The following ADGRL3 variants were observed in gnomAD, a reference collection of about 807,000 sequenced individuals.
ADGRL3 encodes the protein calcium-independent alpha-latrotoxin receptor 3.
Under a neutral mutation model 153.5 loss-of-function variants are expected in ADGRL3, and 62 were observed. The ratio of observed to expected loss-of-function variants is 0.40; its 90% CI spans 0.33 to 0.50. The LOEUF (loss-of-function observed/expected upper bound fraction) is 0.50, where lower values mean the gene tolerates loss of function less well. ADGRL3 is among the 20% of genes least tolerant of loss of function. The pLI is 0.47. For synonymous variants in ADGRL3, 710 were observed against 672.5 expected (o/e 1.06, Z -0.86); for missense variants, 1,641 against 1,859.4 (o/e 0.88, Z 2.16).
chr4:61,346,293 C>G (rs55684277), intron 1 of ADGRL3, among the ~76,000 whole-genome samples: 18,196 of 145,746 alleles, frequency 0.12, 1,260 homozygotes, highest in South Asian at 0.2. Context: ...CTCTCTGTCT[C>G]TCTCTGTCAC....
At chr4:61,568,904 A>G (rs925256155) in intron 4 of ADGRL3, among the ~76,000 whole-genome samples, 2 of 152,130 alleles carry the variant, frequency 1.3e-5, no homozygotes, top group Non-Finnish European at 2.9e-5. Context: ...TTTCTAGAAC[A>G]GTGGCTGTCT....
At chr4:61,857,008 CTTTCT>C (rs1561368463) in intron 9 of ADGRL3, among the ~76,000 whole-genome samples, 1 of 140,418 alleles carries the variant, frequency 7.1e-6, no homozygotes, top group African/African-American at 2.6e-5. Context: ...TTCTTTCTTT[CTTTCT>C]TTCCTTCCTC....
intron 3 of ADGRL3, among the ~76,000 whole-genome samples, chr4:61,497,760 G>A (rs1305817696): frequency 1.3e-5 from 2 of 150,646 alleles, no homozygotes; most frequent in Admixed American, 6.6e-5. Flanking sequence ...TCCTGACCTC[G>A]TGACCCGCCC....
intron 13 of ADGRL3, among the ~76,000 whole-genome samples, chr4:61,934,407 A>G (rs2098829840): frequency 6.6e-6 from 1 of 152,186 alleles, no homozygotes; most frequent in Non-Finnish European, 1.5e-5. Flanking sequence ...ATTTATGGTC[A>G]TCCTTTTAAT....
At chr4:62,014,404 T>C (rs538628071) in intron 21 of ADGRL3, among the ~76,000 whole-genome samples, 1 of 152,254 alleles carries the variant, frequency 6.6e-6, no homozygotes, top group African/African-American at 2.4e-5. Context: ...ATATAATTTG[T>C]GGGGAGAAAG....
chr4:61,720,722 G>A (rs187179621), intron 6 of ADGRL3, among the ~76,000 whole-genome samples: 172 of 152,292 alleles, frequency 1.1e-3, no homozygotes, highest in African/African-American at 3.9e-3. Flanking sequence ...CTGTAGCATA[G>A]TTTCTGCCTT....
At chr4:61,445,061 A>AAC (rs1313661593) in intron 2 of ADGRL3, among the ~76,000 whole-genome samples, 11 of 150,958 alleles carry the variant, frequency 7.3e-5, no homozygotes, top group Non-Finnish European at 3.0e-5. Flanking sequence ...AAAAAAGAAA[A>AAC]AAAAATGCTT....
At chr4:62,031,648 A>T (rs924579112) in intron 23 of ADGRL3, 38 bp downstream of exon 23, 1 of 1,435,882 alleles carries the variant, frequency 7.0e-7, no homozygotes, top group Admixed American at 1.8e-5. Context: ...AAAATGGCAT[A>T]CATTTCATGA....
At chr4:61,337,226 T>C (rs1309633275) in intron 1 of ADGRL3, among the ~76,000 whole-genome samples, 1 of 152,162 alleles carries the variant, frequency 6.6e-6, no homozygotes, top group African/African-American at 2.4e-5. Context: ...CCCTGACCCC[T>C]TTGTGGGTAC....
chr4:61,686,289 G>A (rs901359129), intron 6 of ADGRL3, among the ~76,000 whole-genome samples: 3 of 152,034 alleles, frequency 2.0e-5, no homozygotes, highest in Non-Finnish European at 2.9e-5. Context: ...TCATCCCAAA[G>A]TATTTGTTGC....
chr4:61,711,458 TTA>T (rs1167827672), intron 6 of ADGRL3, among the ~76,000 whole-genome samples: 876 of 34,630 alleles, frequency 0.025, 24 homozygotes, highest in African/African-American at 0.039. Context: ...ATATGCTTCA[TTA>T]TATATATATA....
At chr4:61,650,611 T>A (rs961944008) in intron 5 of ADGRL3, among the ~76,000 whole-genome samples, 8 of 152,172 alleles carry the variant, frequency 5.3e-5, no homozygotes, top group Admixed American at 1.3e-4. Flanking sequence ...ATATATTTTC[T>A]GGGTTCTTTT....
At chr4:61,678,785 C>T (rs1053063979) in intron 6 of ADGRL3, among the ~76,000 whole-genome samples, 7 of 151,582 alleles carry the variant, frequency 4.6e-5, no homozygotes, top group African/African-American at 1.2e-4. Flanking sequence ...TTAATTTATA[C>T]GTTGTAGCCT....
chr4:61,468,960 T>C (rs2097914861), intron 2 of ADGRL3, among the ~76,000 whole-genome samples: 1 of 152,154 alleles, frequency 6.6e-6, no homozygotes. Context: ...ACTCTTCTTA[T>C]TTTGTGTGTG....
In ADGRL3 at chr4:61,938,746, G is replaced by A. The variant is rs543713496; in HGVS notation, c.2419+2701G>A. Among the ~76,000 whole-genome samples, 10 of 149,484 alleles carry A rather than the reference G, an allele frequency of 6.7e-5. No individual in the cohort carries two copies. The South Asian group carries it at 1.3e-3, about 19-fold the overall frequency. On this transcript the variant is annotated intron_variant, in intron 15 of 26. Transcript: ENST00000683033. ...GATGCATCTAGCGGAAGTGCCCAGA[G>A]CAACGTCTCCGCAATAAGCTAGGAA... is the stretch of plus-strand genomic sequence containing the variant.
chr4:61,567,674 C>G (rs111948148), intron 4 of ADGRL3, among the ~76,000 whole-genome samples: 82 of 152,234 alleles, frequency 5.4e-4, no homozygotes, highest in African/African-American at 1.9e-3. Flanking sequence ...TAGGACAAAG[C>G]CTTAAGTAAC....
intron 5 of ADGRL3, among the ~76,000 whole-genome samples, chr4:61,666,555 A>AAT (rs397769033): frequency 6.6e-6 from 1 of 151,090 alleles, no homozygotes; most frequent in Non-Finnish European, 1.5e-5. Flanking sequence ...AAAAAAAAAA[A>AAT]GGAAAAAAGA....
chr4:61,747,132 C>T (rs2096674377), intron 8 of ADGRL3, among the ~76,000 whole-genome samples: 1 of 152,246 alleles, frequency 6.6e-6, no homozygotes, highest in Admixed American at 6.5e-5. Context: ...TTCCTCGACA[C>T]ATACACCCTT....
chr4:62,006,003 CATATATATATATAT>C (rs1217370949), intron 21 of ADGRL3, among the ~76,000 whole-genome samples: 1 of 49,020 alleles, frequency 2.0e-5, no homozygotes, highest in East Asian at 9.0e-4. Context: ...CACACACACA[CATATATATATATAT>C]ATATATATAT....
Sources: gnomAD v4.1 joint callset for allele counts (sites outside exome capture counted in the v4.1 genomes callset) on GRCh38, gnomAD v4.1.1 for gene constraint, MANE v1.5 for transcripts, NCBI Gene and HGNC (gene_info 2026-07-23, HGNC 2026-07-21) for gene names.